Variants in PLXNA4 observed in about 807,000 individuals in gnomAD.
The protein encoded by PLXNA4 is plexin-A4.
Under a neutral mutation model 191.8 loss-of-function variants are expected in PLXNA4, and 44 were observed. The ratio of observed to expected loss-of-function variants is 0.23; its 90% CI spans 0.18 to 0.29. The LOEUF (loss-of-function observed/expected upper bound fraction) is 0.29, where lower values mean the gene tolerates loss of function less well. Ranked by LOEUF, PLXNA4 falls within the 10% of genes least tolerant of loss-of-function variation. The pLI, the probability that PLXNA4 is intolerant of heterozygous loss-of-function variation, is 1.00. For missense variants in PLXNA4, 1,800 were observed against 2,488.8 expected (o/e 0.72, Z 5.89); for synonymous variants, 1,082 against 1,009.5 (o/e 1.07, Z -1.36).
intron 5 of PLXNA4, among the ~76,000 whole-genome samples, chr7:132,237,656 G>A (rs10488380): frequency 0.02 from 3,097 of 152,266 alleles, 227 homozygotes; most frequent in Admixed American, 0.13. Context: ...TCAAGGTTAC[G>A]AATGACAGCA....
intron 1 of PLXNA4, among the ~76,000 whole-genome samples, chr7:132,647,434 C>T (rs1803896739): frequency 6.6e-6 from 1 of 152,088 alleles, no homozygotes; most frequent in Non-Finnish European, 1.5e-5. Context: ...CTATCATACA[C>T]ATATGCACTC....
intron 3 of PLXNA4, among the ~76,000 whole-genome samples, chr7:132,415,146 A>G (rs755613214): frequency 6.6e-6 from 1 of 152,170 alleles, no homozygotes; most frequent in Admixed American, 6.5e-5. Context: ...GGATTGAGAG[A>G]TGTCCCTTGG....
upstream of PLXNA4, among the ~76,000 whole-genome samples, chr7:132,580,783 C>A (rs1242803893): frequency 6.6e-6 from 1 of 152,206 alleles, no homozygotes; most frequent in Non-Finnish European, 1.5e-5. Flanking sequence ...CCTGGTGGTG[C>A]TAGAGAGACA....
chr7:132,597,797 T>C (rs529307540), intron 2 of PLXNA4, among the ~76,000 whole-genome samples: 1 of 152,200 alleles, frequency 6.6e-6, no homozygotes, highest in Admixed American at 6.5e-5. Context: ...TGTTCCTTAC[T>C]CTTTTCACTC....
intron 3 of PLXNA4, among the ~76,000 whole-genome samples, chr7:132,414,508 G>A (rs879645868): frequency 6.6e-6 from 1 of 152,156 alleles, no homozygotes; most frequent in Non-Finnish European, 1.5e-5. Context: ...AGAGGTGACC[G>A]AGATGGTAGG....
chr7:132,169,072 C>T (rs550651938), intron 21 of PLXNA4, among the ~76,000 whole-genome samples: 3 of 152,290 alleles, frequency 2.0e-5, no homozygotes, highest in South Asian at 2.1e-4. Flanking sequence ...CTGGGTTCCA[C>T]GTGGATTCTG....
rs529364377 is a variant in PLXNA4 at position 132,507,954 on chromosome 7, C to T, written c.740G>A (p.Gly247Asp). 1 of 1,614,158 alleles carries T rather than the reference C, an allele frequency of 6.2e-7. No individual in the cohort carries two copies. The highest frequency in any genetic ancestry group is 8.5e-7 in the Non-Finnish European group (1 of 1,180,044). ...IPDFDIYYVY[G>D]FSSGNFVYFL... The stretch of plus-strand genomic sequence containing the variant: ...GTAGACAAAGTTGCCACTGCTAAAA[C>T]CATAGACATAGTAGATATCAAAGTC... Residue 247 changes from glycine to aspartate, a missense_variant, in exon 2 of 32, where the codon GGT becomes GAT. Around this residue, in one of 6 missense-constraint regions of PLXNA4, gnomAD observed 1,397 missense variants for 1,880.4 expected, o/e 0.74. Coordinates refer to ENST00000321063, the MANE Select transcript of PLXNA4 (RefSeq NM_020911.2).
At chr7:132,463,952 G>C (rs1373156889) in intron 3 of PLXNA4, among the ~76,000 whole-genome samples, 2 of 152,136 alleles carry the variant, frequency 1.3e-5, no homozygotes, top group Admixed American at 1.3e-4. Flanking sequence ...AGGGTCCCAA[G>C]TACTTCTCCC....
In PLXNA4 at chr7:132,140,655, G is replaced by A. The variant is rs747185739; in HGVS notation, c.5382C>T (p.Pro1794=). ...TSEHRLGKDS[P]SNKLLYAKDI... ...CCTTGGCATACAGCAGCTTGTTGGA[G>A]GGCGAGTCCTTGCCCAGCCGGTGCT... The change falls in exon 30 of 32, where the codon CCC becomes CCT. Residue 1794 remains proline, a synonymous_variant. Transcript: ENST00000321063. The A allele has an allele frequency of 1.2e-6, 2 of 1,614,180 alleles. No individual in the cohort carries two copies. The highest frequency in any genetic ancestry group is 1.7e-6 in the Non-Finnish European group (2 of 1,180,034).
intron 3 of PLXNA4, among the ~76,000 whole-genome samples, chr7:132,304,185 G>A (rs929205832): frequency 3.9e-5 from 6 of 152,154 alleles, no homozygotes; most frequent in African/African-American, 1.2e-4. Flanking sequence ...GAAAAAGGGC[G>A]TCTGAGGGGA....
At chr7:132,295,754 C>G (rs1358397879) in intron 4 of PLXNA4, among the ~76,000 whole-genome samples, 1 of 152,128 alleles carries the variant, frequency 6.6e-6, no homozygotes, top group African/African-American at 2.4e-5. Flanking sequence ...CCCTGCCTGA[C>G]TCTAAGCACG....
chr7:132,432,473 AATC>A (rs1795300972), intron 3 of PLXNA4, among the ~76,000 whole-genome samples: 1 of 152,146 alleles, frequency 6.6e-6, no homozygotes. Flanking sequence ...TCCCAGATAT[AATC>A]ATCATAATCA....
intron 4 of PLXNA4, among the ~76,000 whole-genome samples, chr7:132,258,418 G>A (rs890629216): frequency 2.6e-5 from 4 of 152,300 alleles, no homozygotes; most frequent in Admixed American, 1.3e-4. Flanking sequence ...ACTTCAGCAC[G>A]AATGGGCTGG....
intron 22 of PLXNA4, among the ~76,000 whole-genome samples, chr7:132,168,036 A>G (rs114660870): frequency 2.0e-3 from 301 of 152,340 alleles, no homozygotes; most frequent in African/African-American, 6.6e-3. Flanking sequence ...GATTAAGTAG[A>G]AGGGCAGAGA....
At chr7:132,429,991 C>T (rs1026505715) in intron 3 of PLXNA4, among the ~76,000 whole-genome samples, 5 of 152,126 alleles carry the variant, frequency 3.3e-5, no homozygotes, top group African/African-American at 1.2e-4. Flanking sequence ...CAATCCCTCC[C>T]CAGAAGAATA....
chr7:132,275,708 T>C (rs548895603), intron 4 of PLXNA4, among the ~76,000 whole-genome samples: 58 of 152,318 alleles, frequency 3.8e-4, no homozygotes, highest in Admixed American at 8.5e-4. Flanking sequence ...ATGGATTCGA[T>C]GGAAATGAGT....
At chr7:132,132,478 CTCTGCTCTGCTCTATTCTTT>C (rs1794984781) in intron 31 of PLXNA4, among the ~76,000 whole-genome samples, 1 of 62,592 alleles carries the variant, frequency 1.6e-5, no homozygotes, top group African/African-American at 6.0e-5. Context: ...CTCTGCTCTG[CTCTGCTCTGCTCTATTCTTT>C]TCTATTCTAT....
chr7:132,239,906 C>T (rs1798821497), intron 5 of PLXNA4, among the ~76,000 whole-genome samples: 1 of 152,148 alleles, frequency 6.6e-6, no homozygotes, highest in Non-Finnish European at 1.5e-5. Flanking sequence ...CTGTAACCTA[C>T]CTGAGGAATT....
intron 1 of PLXNA4, among the ~76,000 whole-genome samples, chr7:132,571,734 C>A (rs1169341875): frequency 6.6e-6 from 1 of 152,134 alleles, no homozygotes. Context: ...AGTGTTGTTT[C>A]CACAATACTA....
Sources: gnomAD v4.1 joint callset for allele counts (sites outside exome capture counted in the v4.1 genomes callset) on GRCh38, gnomAD v4.1.1 for gene constraint, gnomAD v4.1.1 regional missense constraint, MANE v1.5 for transcripts, NCBI Gene and HGNC (gene_info 2026-07-23, HGNC 2026-07-21) for gene names.